Variants in GCN1 observed in about 807,000 individuals in gnomAD.
GCN1 encodes the protein stalled ribosome sensor GCN1.
In GCN1, 90 loss-of-function variants were observed where a neutral mutation model predicts 288.4. The observed-to-expected ratio is 0.31, with a 90% confidence interval of 0.26 to 0.37. The LOEUF is 0.37. Among genes scored for constraint, GCN1 ranks in the 10% least tolerant of loss-of-function variants. The pLI, the probability that GCN1 is intolerant of heterozygous loss-of-function variation, is 1.00. For synonymous variants in GCN1, 1,386 were observed against 1,420.2 expected (o/e 0.98, Z 0.54); for missense variants, 2,586 against 3,419.9 (o/e 0.76, Z 6.08).
chr12:120,173,635 C>T lies in GCN1; in HGVS notation c.1366+18G>A, dbSNP rs764017964. The stretch of plus-strand genomic sequence containing the variant: ...CTCTGCAAGGAGACCTGGACACTAG[C>T]CCTGGGAGTTGTCTTACCCCGGTAA... On this transcript the variant is annotated intron_variant, in intron 14 of 57. Coordinates refer to ENST00000300648, the MANE Select transcript of GCN1 (RefSeq NM_006836.2). 1 of 1,515,384 alleles carries T rather than the reference C, an allele frequency of 6.6e-7. No homozygotes were observed. The highest frequency in any genetic ancestry group is 2.3e-5 in the East Asian group (1 of 44,444). The allele number at this position is 1,515,384 out of a possible 1,614,324, so 93.9% of individuals were successfully genotyped here.
chr12:120,149,766 AG>A (rs750344978), intron 35 of GCN1, 46 bp from the exon 36 acceptor site: 1 of 1,560,028 alleles, frequency 6.4e-7, no homozygotes, highest in South Asian at 1.1e-5. Flanking sequence ...CACCCAAGCA[AG>A]GGGCAAGGCC....
In GCN1 at chr12:120,193,620, T is replaced by A. The variant is rs747359979; in HGVS notation, c.18+1060A>T. Among the ~76,000 whole-genome samples the A allele has an allele frequency of 8.5e-5, 13 of 152,336 alleles. 1 individual carries two copies. The Middle Eastern group carries it at 0.01, about 120-fold the overall frequency. ...CGCCCAGCCAAACAATGAATTTTTT[T>A]ATTTAATTTAATTTTAACAAACTTA... On this transcript the variant is annotated intron_variant, in intron 1 of 57. Transcript: ENST00000300648.
intron 22 of GCN1, 67 bp downstream of exon 22, chr12:120,161,423 G>T: frequency 9.9e-7 from 1 of 1,013,010 alleles, no homozygotes; most frequent in South Asian, 1.3e-5. Context: ...TGTGCAGTGG[G>T]AAAAGCCACC....
At chr12:120,149,820 G>A in intron 35 of GCN1, 100 bp from the exon 36 acceptor site, 1 of 1,538,132 alleles carries the variant, frequency 6.5e-7, no homozygotes, top group Non-Finnish European at 9.0e-7. Context: ...ACGCTTACTG[G>A]GGTTCTATTA....
In GCN1 at chr12:120,136,575, C is replaced by T; in HGVS notation, c.6935G>A (p.Arg2312His). 1.2e-6 allele frequency: 2 copies of T among 1,614,160 alleles called. No homozygotes were observed. The highest frequency in any genetic ancestry group is 1.7e-5 in the Admixed American group (1 of 60,026). ...CCAGCTGAACCTGTCCCCCAGGATG[C>T]GGATCAGAGGGCCAGTGATGCTGAC... ...SVVSITGPLI[R>H]ILGDRFSWNV... is the part of the protein sequence containing the mutation. Residue 2312 changes from arginine to histidine, a missense_variant, in exon 51 of 58, where the codon CGC becomes CAC. Transcript: ENST00000300648.
Position 120,155,672 on chromosome 12 carries a change from C to G in GCN1, c.3360G>C (p.Glu1120Asp). 1 of 1,614,044 alleles carries G rather than the reference C, an allele frequency of 6.2e-7. No individual in the cohort carries two copies. Among genetic ancestry groups the G allele is most frequent in the Non-Finnish European group, 8.5e-7 (1 of 1,179,934 alleles). ...TCCGCAGAAGGTTCAGGCCATTCTT[C>G]TCATCAGTATCAGGTGCTGGCAATA... ...HMVLPAPDTD[E>D]KNGLNLLRRL... Residue 1120 changes from glutamate (E) to aspartate (D), a missense_variant, in exon 29 of 58, where the codon GAG (glutamate) becomes GAC (aspartate). Physicochemically the swap from Glu to Asp is conservative, Grantham distance 45. Transcript: ENST00000300648. This position sits in a 1 kb window ranked among gnomAD's most constrained non-coding sequence, Gnocchi z 4.9.
At chr12:120,184,358 C>A in intron 3 of GCN1, 115 bp from the exon 4 acceptor site, 1 of 818,352 alleles carries the variant, frequency 1.2e-6, no homozygotes, top group East Asian at 2.5e-5. Flanking sequence ...CACCATATTC[C>A]AGTGGATAAC....
At chr12:120,145,573 A>G (rs1877338526) in intron 38 of GCN1, among the ~76,000 whole-genome samples, 1 of 152,136 alleles carries the variant, frequency 6.6e-6, no homozygotes, top group Admixed American at 6.5e-5. Flanking sequence ...CATCCTCAAC[A>G]AACAGGAGTT....
At chr12:120,170,144 A>G in intron 15 of GCN1, 25 bp downstream of exon 15, 1 of 1,609,308 alleles carries the variant, frequency 6.2e-7, no homozygotes. Context: ...TGTCTCTACC[A>G]TCCTAGACAC....
chr12:120,137,707 C>A lies in GCN1; in HGVS notation c.6501G>T (p.Met2167Ile). Reference sequence around the variant, plus strand: ...TGAGGATGATGGCAGCAGCTTGCCTCATGCCCACCTCAGGGCTGCGGGTGG... The same window carrying A: ...TGAGGATGATGGCAGCAGCTTGCCTAATGCCCACCTCAGGGCTGCGGGTGG... ...LEATRSPEVG[M>I]RQAAAIILNI... Residue 2167 changes from methionine (M) to isoleucine (I), a missense_variant, in exon 49 of 58, where the codon ATG (methionine) becomes ATT (isoleucine). Around this residue, in one of 8 missense-constraint regions of GCN1, gnomAD observed 437 missense variants for 570.5 expected, o/e 0.77. Coordinates refer to ENST00000300648, the MANE Select transcript of GCN1 (RefSeq NM_006836.2). This position sits in a 1 kb window ranked among gnomAD's most constrained non-coding sequence, Gnocchi z 5.2. 6.2e-7 allele frequency: 1 copy of A among 1,614,178 alleles called. No homozygotes were observed. Among genetic ancestry groups the A allele is most frequent in the Non-Finnish European group, 8.5e-7 (1 of 1,180,014 alleles).
At chr12:120,154,096 T>C (rs1364062275) in intron 31 of GCN1, among the ~76,000 whole-genome samples, 187 bp from the exon 32 acceptor site, 3 of 152,208 alleles carry the variant, frequency 2.0e-5, no homozygotes, top group East Asian at 3.8e-4. Flanking sequence ...ACTTGTCATA[T>C]GGAGACTTGC....
chr12:120,183,649 C>A lies in GCN1; in HGVS notation c.346G>T (p.Ala116Ser). The A allele has an allele frequency of 6.2e-7, 1 of 1,613,274 alleles. No homozygotes were observed. The highest frequency in any genetic ancestry group is 1.7e-5 in the Admixed American group (1 of 60,016). The change falls in exon 5 of 58, where the codon GCC becomes TCC. Residue 116 changes from alanine to serine, a missense_variant. Ala to Ser is a moderately conservative substitution (Grantham distance 99). Transcript: ENST00000300648. ...ACCAGGAGGCAGGTCCAGGTCAAGG[C>A]CAGCAAGGCGGCAGAGCCACTGCTC... is the stretch of plus-strand genomic sequence containing the variant. ...SKSSGSAALL[A>S]LTWTCLLVRI... is the part of the protein sequence containing the mutation.
chr12:120,180,971 G>A (rs1165252921), intron 5 of GCN1, among the ~76,000 whole-genome samples: 3 of 148,044 alleles, frequency 2.0e-5, no homozygotes, highest in Non-Finnish European at 4.4e-5. Context: ...CAGCCTAGGC[G>A]ACAGAGCGAG....
intron 46 of GCN1, 65 bp downstream of exon 46, chr12:120,138,630 T>G (rs1877088120): frequency 1.3e-6 from 2 of 1,495,384 alleles, no homozygotes; most frequent in Non-Finnish European, 1.8e-6. Context: ...AATCGCCCTG[T>G]ATTTTCCATC....
At chr12:120,139,772 C>G (rs540784854) in intron 45 of GCN1, among the ~76,000 whole-genome samples, 44 of 152,340 alleles carry the variant, frequency 2.9e-4, no homozygotes, top group African/African-American at 1.1e-3. Context: ...CCCATGGCAT[C>G]TGGCCCCCTC....
intron 2 of GCN1, among the ~76,000 whole-genome samples, chr12:120,189,175 C>A (rs556518844): frequency 6.6e-6 from 1 of 152,000 alleles, no homozygotes; most frequent in African/African-American, 2.4e-5. Flanking sequence ...CAGGTTGAAG[C>A]GATTCTCCTG....
chr12:120,174,219 G>A (rs1483740298), intron 12 of GCN1, 50 bp from the exon 13 acceptor site: 1 of 1,081,006 alleles, frequency 9.3e-7, no homozygotes, highest in Non-Finnish European at 1.4e-6. Flanking sequence ...GAACCACAGA[G>A]GCAAGTCTTC....
In GCN1 at chr12:120,153,882, C is replaced by A. The variant is rs1434285868; in HGVS notation, c.3729G>T (p.Lys1243Asn). 1.2e-6 allele frequency: 2 copies of A among 1,613,934 alleles called. No individual in the cohort carries two copies. Among genetic ancestry groups the A allele is most frequent in the African/African-American group, 2.7e-5 (2 of 74,908 alleles). Residue 1243 changes from lysine to asparagine, a missense_variant, in exon 32 of 58, where the codon AAG becomes AAT. Lys to Asn is a moderately conservative substitution (Grantham distance 94). Around this residue, in one of 8 missense-constraint regions of GCN1, gnomAD observed 332 missense variants for 403.0 expected, o/e 0.82. Transcript: ENST00000300648. This position sits in a 1 kb window ranked among gnomAD's most constrained non-coding sequence, Gnocchi z 4.4. ...ARCGLALALN[K>N]LSQYLDSSQV... Reference sequence around the variant, plus strand: ...GAGAGCTGTCCAAATACTGGGAGAGCTTGTTGAGGGCCAACGCCAAGCCAC... The same window carrying A: ...GAGAGCTGTCCAAATACTGGGAGAGATTGTTGAGGGCCAACGCCAAGCCAC...
Position 120,134,015 on chromosome 12 carries a change from C to T in GCN1, c.7317+276G>A, listed in dbSNP as rs1876914538. Among the ~76,000 whole-genome samples, 1 of 152,116 alleles carries T rather than the reference C, an allele frequency of 6.6e-6. No homozygotes were observed. Among genetic ancestry groups the T allele is most frequent in the South Asian group, 2.1e-4 (1 of 4,824 alleles). ...ATAGGAGGCGGAGGCTGCAGTGAGC[C>T]GAGATTGTGCCACTTCACTCCGGCC... On this transcript the variant is annotated intron_variant, in intron 53 of 57. Coordinates refer to ENST00000300648, the MANE Select transcript of GCN1 (RefSeq NM_006836.2). The surrounding 1 kb of genome is among the most constrained non-coding windows in gnomAD (Gnocchi z 5.0).
Sources: allele counts gnomAD v4.1 joint callset (sites outside exome capture counted in the v4.1 genomes callset), GRCh38; gene constraint gnomAD v4.1.1; regional missense constraint gnomAD v4.1.1; non-coding constraint Gnocchi (gnomAD v3.1); transcripts MANE v1.5; gene names NCBI Gene and HGNC (gene_info 2026-07-23, HGNC 2026-07-21).